Variants in PPM1L observed in about 807,000 individuals in gnomAD.
PPM1L encodes protein phosphatase 1L.
PPM1L carries 13 observed loss-of-function variants against 31.4 expected under a neutral mutation model. The ratio of observed to expected loss-of-function variants is 0.41; its 90% CI spans 0.27 to 0.66. The LOEUF (loss-of-function observed/expected upper bound fraction) is 0.66. Ranked by LOEUF, PPM1L falls within the 30% of genes least tolerant of loss-of-function variation. The pLI, the probability that PPM1L is intolerant of heterozygous loss-of-function variation, is 0.29. For synonymous variants in PPM1L, 184 were observed against 175.4 expected (o/e 1.05, Z -0.39); for missense variants, 326 against 453.7 (o/e 0.72, Z 2.56).
chr3:160,791,144 A>G (rs1712093161), intron 1 of PPM1L, among the ~76,000 whole-genome samples: 1 of 152,156 alleles, frequency 6.6e-6, no homozygotes, highest in East Asian at 1.9e-4. Flanking sequence ...TAAGGTCACA[A>G]TGACAGTCAC....
At chr3:160,796,241 T>G (rs1219211566) in intron 1 of PPM1L, among the ~76,000 whole-genome samples, 1 of 152,226 alleles carries the variant, frequency 6.6e-6, no homozygotes, top group Non-Finnish European at 1.5e-5. Flanking sequence ...CATCACCTCC[T>G]TTTGGATTTG....
intron 2 of PPM1L, among the ~76,000 whole-genome samples, chr3:161,014,442 AC>A (rs1718009224): frequency 6.8e-6 from 1 of 147,546 alleles, no homozygotes; most frequent in African/African-American, 2.5e-5. Flanking sequence ...GTCAGCTCAT[AC>A]TGCCAAATAT....
rs1021714227 is a variant in PPM1L at position 160,943,846 on chromosome 3, T to C, written c.400-17890T>C. Among the ~76,000 whole-genome samples, 14 of 152,202 alleles carry C rather than the reference T, an allele frequency of 9.2e-5. 1 individual carries two copies. Among genetic ancestry groups the C allele is most frequent in the Admixed American group, 9.2e-4 (14 of 15,274 alleles). On this transcript the variant is annotated intron_variant, in intron 1 of 3. Coordinates refer to ENST00000498165, the MANE Select transcript of PPM1L (RefSeq NM_139245.4). The stretch of plus-strand genomic sequence containing the variant: ...GTGTCTCATAAGTCATGTTGACTTA[T>C]TTAGTGACTTCTTTATTCTAGGGCA...
intron 2 of PPM1L, among the ~76,000 whole-genome samples, chr3:161,057,052 A>G (rs895065063): frequency 2.0e-5 from 3 of 150,184 alleles, no homozygotes; most frequent in Non-Finnish European, 4.4e-5. Context: ...AACAAGAGTG[A>G]ACTCCATCTC....
At chr3:160,940,675 A>G (rs1715136948) in intron 1 of PPM1L, among the ~76,000 whole-genome samples, 1 of 152,216 alleles carries the variant, frequency 6.6e-6, no homozygotes, top group South Asian at 2.1e-4. Context: ...TAGATTTCAG[A>G]AGATGTATGA....
intron 1 of PPM1L, among the ~76,000 whole-genome samples, chr3:160,903,164 A>AGAGTGTGTGTGTGTGT (rs1553819622): frequency 1.9e-5 from 2 of 106,530 alleles, no homozygotes; most frequent in African/African-American, 8.6e-5. Context: ...TAGAAGCAAT[A>AGAGTGTGTGTGTGTGT]GTGTGTGTGT....
intron 2 of PPM1L, among the ~76,000 whole-genome samples, chr3:161,032,962 C>T (rs563129356): frequency 6.7e-6 from 1 of 148,744 alleles, no homozygotes; most frequent in East Asian, 2.0e-4. Flanking sequence ...CCACCCACCT[C>T]GGGATTACAG....
At chr3:160,778,328 T>G (rs1001454936) in intron 1 of PPM1L, among the ~76,000 whole-genome samples, 2 of 152,170 alleles carry the variant, frequency 1.3e-5, no homozygotes, top group Non-Finnish European at 2.9e-5. Context: ...ATATTTCTAA[T>G]ATATTTTTAT....
At chr3:161,047,596 C>T (rs1719126573) in intron 2 of PPM1L, among the ~76,000 whole-genome samples, 1 of 152,140 alleles carries the variant, frequency 6.6e-6, no homozygotes, top group Non-Finnish European at 1.5e-5. Context: ...CTTTAAAGTT[C>T]ATATGTAACC....
At chr3:160,912,920 G>T (rs1430566433) in intron 1 of PPM1L, among the ~76,000 whole-genome samples, 2 of 152,146 alleles carry the variant, frequency 1.3e-5, no homozygotes, top group Non-Finnish European at 2.9e-5. Context: ...GATGAAGAAT[G>T]ATGTAGATAA....
chr3:160,945,121 C>CATATATGT (rs1559897810), intron 1 of PPM1L, among the ~76,000 whole-genome samples: 65 of 15,838 alleles, frequency 4.1e-3, no homozygotes, highest in African/African-American at 0.012. Context: ...TGTTATCTAT[C>CATATATGT]TATCTATCTA....
chr3:160,855,689 A>T (rs1447366101), intron 1 of PPM1L, among the ~76,000 whole-genome samples: 1 of 152,214 alleles, frequency 6.6e-6, no homozygotes, highest in Non-Finnish European at 1.5e-5. Flanking sequence ...CAGAATGGTG[A>T]TTATTGAAAA....
chr3:160,988,230 A>G (rs2108041156), intron 2 of PPM1L, among the ~76,000 whole-genome samples: 1 of 152,350 alleles, frequency 6.6e-6, no homozygotes, highest in East Asian at 1.9e-4. Flanking sequence ...CGTTTACGTT[A>G]TTAATGTTTA....
At chr3:160,957,617 G>A (rs916057080) in intron 1 of PPM1L, among the ~76,000 whole-genome samples, 33 of 137,750 alleles carry the variant, frequency 2.4e-4, no homozygotes, top group Middle Eastern at 5.0e-3. Context: ...TCGCTCTGTC[G>A]CCCAGGCTGG....
At chr3:160,858,848 C>A (rs1212129499) in intron 1 of PPM1L, among the ~76,000 whole-genome samples, 1 of 152,088 alleles carries the variant, frequency 6.6e-6, no homozygotes, top group African/African-American at 2.4e-5. Flanking sequence ...ATGGTAGACA[C>A]TTGTTTTTTC....
intron 1 of PPM1L, among the ~76,000 whole-genome samples, chr3:160,936,162 TCACTG>T (rs1184876649): frequency 1.3e-5 from 2 of 152,168 alleles, no homozygotes; most frequent in Non-Finnish European, 2.9e-5. Context: ...CAATCTCGAC[TCACTG>T]CAACCTCCGC....
chr3:160,792,309 A>G (rs1451183860), intron 1 of PPM1L, among the ~76,000 whole-genome samples: 1 of 152,140 alleles, frequency 6.6e-6, no homozygotes, highest in Non-Finnish European at 1.5e-5. Flanking sequence ...TAATATGAAA[A>G]GTTATGACCA....
In PPM1L at chr3:160,805,088, G is replaced by A. The variant is rs116680298; in HGVS notation, c.399+48381G>A. ...CTATGTTCCCAGCCTACAGAGGATT[G>A]CTGCTCAGGGCCTAGAGCCCTAGCC... On this transcript the variant is annotated intron_variant, in intron 1 of 3. Coordinates refer to ENST00000498165, the MANE Select transcript of PPM1L (RefSeq NM_139245.4). 5.5e-3 allele frequency among the ~76,000 whole-genome samples: 831 copies of A among 152,292 alleles called. 8 individuals carry two copies. The highest frequency in any genetic ancestry group is 0.019 in the African/African-American group (777 of 41,554).
chr3:160,918,914 C>T (rs1714287284), intron 1 of PPM1L, among the ~76,000 whole-genome samples: 1 of 151,936 alleles, frequency 6.6e-6, no homozygotes, highest in Admixed American at 6.6e-5. Flanking sequence ...TCAAAAATGC[C>T]ATGTTGAAGT....
Sources: gnomAD v4.1 joint callset for allele counts (sites outside exome capture counted in the v4.1 genomes callset) on GRCh38, gnomAD v4.1.1 for gene constraint, MANE v1.5 for transcripts, NCBI Gene and HGNC (gene_info 2026-07-23, HGNC 2026-07-21) for gene names.